The following SMCO2 variants were observed in gnomAD, a reference collection of about 807,000 sequenced individuals.
SMCO2 encodes single-pass membrane and coiled-coil domain-containing protein 2.
Under a neutral mutation model 29.5 loss-of-function variants are expected in SMCO2, and 25 were observed. The observed-to-expected ratio is 0.85, with a 90% CI of 0.62 to 1.18. The LOEUF (loss-of-function observed/expected upper bound fraction) is 1.18. Ranked by LOEUF, SMCO2 falls within the 50% of genes most tolerant of loss-of-function variation. SMCO2 has a pLI of 0.00. For synonymous variants in SMCO2, 117 were observed against 123.3 expected (o/e 0.95, Z 0.34); for missense variants, 348 against 344.5 (o/e 1.01, Z -0.08).
chr12:27,470,777 C>A lies in SMCO2; in HGVS notation c.134+12C>A. 1.3e-6 allele frequency: 2 copies of A among 1,549,410 alleles called. No homozygotes were observed. Among genetic ancestry groups the A allele is most frequent in the Non-Finnish European group, 1.7e-6 (2 of 1,146,006 alleles). On this transcript the variant is annotated intron_variant, in intron 2 of 7. Transcript: ENST00000298876. ...GGTGCAATGCAGGAGTAAGTCAGAA[C>A]TGAGCTTGCAGAAGCAGTTTCTAGG...
At chr12:27,465,758 C>T (rs903255304), upstream of SMCO2, among the ~76,000 whole-genome samples, 3 of 152,146 alleles carry the variant, frequency 2.0e-5, no homozygotes, top group East Asian at 5.8e-4. Context: ...ATTTTTCAGA[C>T]AAAGAGATTA....
At chr12:27,428,455 A>G in the SMCO2 span, among the ~76,000 whole-genome samples, 2 of 152,036 alleles carry the variant, frequency 1.3e-5, no homozygotes, top group African/African-American at 2.4e-5. Flanking sequence ...TGAGTATGTG[A>G]GCCTCAATCT....
At position 27,501,921 on chromosome 12, in the gene SMCO2, A is replaced by G. The variant is rs1469952313; in HGVS notation, c.684-2A>G. The G allele has an allele frequency of 6.6e-7, 1 of 1,524,076 alleles. No individual in the cohort carries two copies. The highest frequency in any genetic ancestry group is 8.8e-7 in the Non-Finnish European group (1 of 1,135,340). The allele number at this position is 1,524,076 out of a possible 1,614,324, so 94.4% of individuals were successfully genotyped here. ...TAACACAGATGTTTTCTCTCTTTGT[A>G]GGAAACGTGCACTGAGGATTTTCAT... On this transcript the variant is annotated splice_acceptor_variant, in intron 7 of 7. Coordinates refer to ENST00000298876, the Ensembl canonical transcript of SMCO2. LOFTEE classifies it high-confidence loss of function.
chr12:27,431,142 A>G, the SMCO2 span, among the ~76,000 whole-genome samples: 1 of 151,692 alleles, frequency 6.6e-6, no homozygotes, highest in East Asian at 1.9e-4. Flanking sequence ...CAGCCTCCCT[A>G]GTAGCTGGGA....
chr12:27,458,274 A>G, the SMCO2 span, among the ~76,000 whole-genome samples: 1 of 152,152 alleles, frequency 6.6e-6, no homozygotes, highest in East Asian at 1.9e-4. Context: ...TAAATTCCTC[A>G]AACAATTAAC....
At chr12:27,475,465 T>C (rs1425692336) in intron 4 of SMCO2, 117 bp from the exon 5 acceptor site, 1 of 1,159,572 alleles carries the variant, frequency 8.6e-7, no homozygotes, top group East Asian at 3.0e-5. Flanking sequence ...CCTGGCCCAT[T>C]TTGGTGACAA....
chr12:27,468,385 T>A (rs1949515064), intron 1 of SMCO2, among the ~76,000 whole-genome samples: 1 of 148,948 alleles, frequency 6.7e-6, no homozygotes, highest in Admixed American at 6.6e-5. Flanking sequence ...GCAAAAGGAG[T>A]CATAGATGAT....
At chr12:27,475,708 T>C (rs755043535) in intron 4 of SMCO2, 3 of 1,548,358 alleles carry the variant, frequency 1.9e-6, no homozygotes, top group African/African-American at 1.4e-5. Context: ...AAAAAATAAA[T>C]GTAACAGAAA....
chr12:27,497,737 A>G (rs1943027608), intron 7 of SMCO2: 1 of 168,844 alleles, frequency 5.9e-6, no homozygotes, highest in South Asian at 1.5e-4. Flanking sequence ...GGTCTCAAAA[A>G]AAAAAAAAAA....
chr12:27,440,405 A>C, the SMCO2 span, among the ~76,000 whole-genome samples: 1 of 152,232 alleles, frequency 6.6e-6, no homozygotes, highest in Non-Finnish European at 1.5e-5. Flanking sequence ...AAGGAAAACT[A>C]TTCAAGGTAT....
At chr12:27,463,486 C>A (rs1247910395), upstream of SMCO2, among the ~76,000 whole-genome samples, 1 of 152,108 alleles carries the variant, frequency 6.6e-6, no homozygotes, top group Non-Finnish European at 1.5e-5. Context: ...AGGCTGGTCT[C>A]AAACTCCTGA....
At chr12:27,432,899 A>G in the SMCO2 span, among the ~76,000 whole-genome samples, 1 of 152,170 alleles carries the variant, frequency 6.6e-6, no homozygotes, top group African/African-American at 2.4e-5. Flanking sequence ...ATTAATCCTC[A>G]TTTTTTATAT....
chr12:27,493,628 G>C (rs187421868), intron 5 of SMCO2, among the ~76,000 whole-genome samples: 2 of 152,244 alleles, frequency 1.3e-5, no homozygotes, highest in Admixed American at 1.3e-4. Context: ...CTGCTTTTCA[G>C]GGTATCCTGA....
At chr12:27,492,874 C>T (rs1942940642) in intron 5 of SMCO2, among the ~76,000 whole-genome samples, 1 of 152,256 alleles carries the variant, frequency 6.6e-6, no homozygotes, top group South Asian at 2.1e-4. Flanking sequence ...CATAAAGACA[C>T]ATGAACGTGA....
chr12:27,444,637 G>A, the SMCO2 span, among the ~76,000 whole-genome samples: 38 of 152,252 alleles, frequency 2.5e-4, 1 homozygote, highest in African/African-American at 7.2e-4. Context: ...CAATGTGATC[G>A]TATCTGTCAC....
At chr12:27,469,915 A>G (rs539711667) in intron 1 of SMCO2, among the ~76,000 whole-genome samples, 1 of 152,352 alleles carries the variant, frequency 6.6e-6, no homozygotes, top group East Asian at 1.9e-4. Context: ...GCCAGTGTAT[A>G]TTAGTTAAAC....
upstream of SMCO2, among the ~76,000 whole-genome samples, chr12:27,464,849 A>G (rs1405873907): frequency 6.7e-6 from 1 of 149,496 alleles, no homozygotes; most frequent in Non-Finnish European, 1.5e-5. Context: ...GTGAAACCCC[A>G]TCTCTACTAA....
chr12:27,498,312 A>C (rs1034885320), intron 7 of SMCO2: 28 of 229,836 alleles, frequency 1.2e-4, no homozygotes, highest in Non-Finnish European at 2.4e-4. Flanking sequence ...ATTATTTTGC[A>C]CCATGAGAAA....
intron 1 of SMCO2, among the ~76,000 whole-genome samples, chr12:27,467,538 T>C (rs1208948253): frequency 6.6e-6 from 1 of 151,772 alleles, no homozygotes; most frequent in Non-Finnish European, 1.5e-5. Context: ...GCTGCTGGCC[T>C]GCAGACCACA....
Sources: gnomAD v4.1 joint callset for allele counts (sites outside exome capture counted in the v4.1 genomes callset) on GRCh38, gnomAD v4.1.1 for gene constraint, MANE v1.5 for transcripts, NCBI Gene and HGNC (gene_info 2026-07-23, HGNC 2026-07-21) for gene names.